Variants in DNAJB6 observed in about 807,000 individuals in gnomAD.
DNAJB6 encodes dnaJ homolog subfamily B member 6.
Under a neutral mutation model 42.7 loss-of-function variants are expected in DNAJB6, and 16 were observed. The ratio of observed to expected loss-of-function variants is 0.37; its 90% CI spans 0.25 to 0.57. The LOEUF is 0.57. Ranked by LOEUF, DNAJB6 falls within the 20% of genes least tolerant of loss-of-function variation. The pLI, the probability that DNAJB6 is intolerant of heterozygous loss-of-function variation, is 0.74. For synonymous variants in DNAJB6, 170 were observed against 163.5 expected (o/e 1.04, Z -0.30); for missense variants, 347 against 416.8 (o/e 0.83, Z 1.46).
chr7:157,381,324 T>C (rs1800757793), intron 5 of DNAJB6: 1 of 152,142 alleles, frequency 6.6e-6, no homozygotes, highest in Non-Finnish European at 1.5e-5. Flanking sequence ...TGCGTTTATG[T>C]CTTAATGCAC....
intron 1 of DNAJB6, among the ~76,000 whole-genome samples, chr7:157,341,356 C>T (rs184054450): frequency 6.6e-6 from 1 of 152,244 alleles, no homozygotes; most frequent in Non-Finnish European, 1.5e-5. Flanking sequence ...GAACTCTTGA[C>T]CTCGTGATCC....
At chr7:157,375,123 T>C (rs1434921113) in intron 5 of DNAJB6, among the ~76,000 whole-genome samples, 1 of 152,128 alleles carries the variant, frequency 6.6e-6, no homozygotes, top group Admixed American at 6.5e-5. Flanking sequence ...CCTGATACTG[T>C]GTTGGGCTTT....
chr7:157,363,943 C>T (rs1799727442), intron 3 of DNAJB6, among the ~76,000 whole-genome samples: 1 of 152,122 alleles, frequency 6.6e-6, no homozygotes, highest in Non-Finnish European at 1.5e-5. Flanking sequence ...TGGAAAGCCA[C>T]ACAGTGCCCC....
intron 1 of DNAJB6, among the ~76,000 whole-genome samples, chr7:157,343,672 C>G (rs146497854): frequency 1.3e-5 from 2 of 151,930 alleles, no homozygotes; most frequent in Non-Finnish European, 2.9e-5. Context: ...TGTTCTCAAA[C>G]TCCTGACCCC....
intron 6 of DNAJB6, among the ~76,000 whole-genome samples, chr7:157,383,603 ATGTGTGTTTGTGTG>A (rs1313837583): frequency 4.3e-5 from 4 of 93,888 alleles, no homozygotes; most frequent in African/African-American, 1.9e-4. Context: ...TGGCTCCTGT[ATGTGTGTTTGTGTG>A]TGTGTGTGTG....
chr7:157,410,133 C>T (rs1420222376), intron 9 of DNAJB6, 132 bp downstream of exon 9: 5 of 1,411,464 alleles, frequency 3.5e-6, no homozygotes, highest in Middle Eastern at 4.5e-4. Context: ...TCGGGCGGGG[C>T]GGGAGGAGGT....
intron 8 of DNAJB6, among the ~76,000 whole-genome samples, chr7:157,405,924 C>T (rs1435091047): frequency 3.9e-5 from 6 of 152,230 alleles, no homozygotes; most frequent in Admixed American, 1.3e-4. Context: ...GGGGTGGGAA[C>T]GCTCCATCCA....
chr7:157,349,617 G>C (rs1477222032), intron 1 of DNAJB6, among the ~76,000 whole-genome samples: 1 of 152,060 alleles, frequency 6.6e-6, no homozygotes, highest in Non-Finnish European at 1.5e-5. Context: ...CGAGTAGCTG[G>C]GACCATGCGC....
At chr7:157,386,508 T>TTATGGTA (rs907463537) in intron 8 of DNAJB6, among the ~76,000 whole-genome samples, 10 of 152,360 alleles carry the variant, frequency 6.6e-5, no homozygotes, top group Middle Eastern at 3.4e-3. Flanking sequence ...AAACATTTAA[T>TTATGGTA]TATGGTAACA....
intron 3 of DNAJB6, among the ~76,000 whole-genome samples, chr7:157,366,178 T>C (rs955659503): frequency 6.6e-6 from 1 of 152,222 alleles, no homozygotes; most frequent in Non-Finnish European, 1.5e-5. Context: ...CTCAAACTCC[T>C]GACCTCAGGT....
chr7:157,376,362 G>A (rs1301156373), intron 5 of DNAJB6, among the ~76,000 whole-genome samples: 3 of 152,126 alleles, frequency 2.0e-5, no homozygotes, highest in African/African-American at 4.8e-5. Flanking sequence ...ATTGGTCTTA[G>A]TATTCCTCAG....
Position 157,416,027 on chromosome 7 carries a change from G to A in DNAJB6, c.910G>A (p.Gly304Ser), listed in dbSNP as rs776962478. The change falls in exon 10 of 10, where the codon GGT becomes AGT. Residue 304 changes from glycine (G) to serine (S), a missense_variant. Gly to Ser is a moderately conservative substitution (Grantham distance 56, BLOSUM62 0). Around this residue, in one of 3 missense-constraint regions of DNAJB6, gnomAD observed 264 missense variants for 288.0 expected, o/e 0.92. Coordinates refer to ENST00000262177, the MANE Select transcript of DNAJB6 (RefSeq NM_058246.4). ...CCGTGTTTCCTTAGGATTGAAAGAA[G>A]GTGGCAAGAGGAAGAAGCAGAAGCA... ...PLASAAGLKE[G>S]GKRKKQKQRE... 1.2e-6 allele frequency: 2 copies of A among 1,614,190 alleles called. No homozygotes were observed. Among genetic ancestry groups the A allele is most frequent in the East Asian group, 4.5e-5 (2 of 44,884 alleles).
At chr7:157,366,082 C>T (rs548834250) in intron 3 of DNAJB6, among the ~76,000 whole-genome samples, 1 of 152,238 alleles carries the variant, frequency 6.6e-6, no homozygotes, top group African/African-American at 2.4e-5. Context: ...TCCTGAGTAG[C>T]TGGGATTACA....
chr7:157,406,649 C>T (rs1482365859), intron 8 of DNAJB6, among the ~76,000 whole-genome samples: 2 of 152,190 alleles, frequency 1.3e-5, no homozygotes, highest in Non-Finnish European at 2.9e-5. Context: ...GAGCCTGCAC[C>T]TTTCTCCCCC....
At chr7:157,346,288 T>TG (rs1385316083) in intron 1 of DNAJB6, among the ~76,000 whole-genome samples, 3 of 135,588 alleles carry the variant, frequency 2.2e-5, no homozygotes, top group East Asian at 4.3e-4. Context: ...ACACTGCCTA[T>TG]GGGGTAGCCC....
In DNAJB6 at chr7:157,416,314, G is replaced by A. The variant is rs759467623; in HGVS notation, c.*216G>A. The A allele has an allele frequency of 8.2e-6, 5 of 607,232 alleles. No individual in the cohort carries two copies. Among genetic ancestry groups the A allele is most frequent in the East Asian group, 5.9e-5 (2 of 34,182 alleles). The allele number at this position is 607,232 out of a possible 1,614,324, so 37.6% of individuals were successfully genotyped here. On this transcript the variant is annotated 3_prime_UTR_variant, in exon 10 of 10. Coordinates refer to ENST00000262177, the MANE Select transcript of DNAJB6 (RefSeq NM_058246.4). ...GGACAGACGTTTGGGACTTGGCCGC[G>A]ACTCTCTGCTTCTCTCCAGCTCTCA... is the stretch of plus-strand genomic sequence containing the variant.
Position 157,382,343 on chromosome 7 carries a change from G to A in DNAJB6, c.444G>A (p.Pro148=), listed in dbSNP as rs754826358. Residue 148 remains proline, a synonymous_variant, in exon 6 of 10, where the codon CCG becomes CCA. Transcript: ENST00000262177. ...GSFFSAFSGF[P]SFGSGFSSFD... The stretch of plus-strand genomic sequence containing the variant: ...TTTTCTCTGCGTTCAGTGGATTTCC[G>A]TCTTTTGGAAGTGGATTTTCTTCTT... 3.1e-6 allele frequency: 5 copies of A among 1,610,858 alleles called. No individual in the cohort carries two copies. Among genetic ancestry groups the A allele is most frequent in the South Asian group, 1.1e-5 (1 of 90,718 alleles).
chr7:157,372,291 T>C (rs542831313), intron 5 of DNAJB6: 2 of 152,962 alleles, frequency 1.3e-5, no homozygotes, highest in African/African-American at 2.4e-5. Flanking sequence ...GACCTGGCAC[T>C]GTCTAGTGAG....
At position 157,409,779 on chromosome 7, in the gene DNAJB6, C is replaced by T. The variant is rs942589575; in HGVS notation, c.692-16C>T. Reference sequence around the variant, plus strand: ...GCCGCTCACTCACGGCTCTCTCTCTCCCGCTGTGCCTGCAGGTGTGGCCGA... The same window carrying T: ...GCCGCTCACTCACGGCTCTCTCTCTTCCGCTGTGCCTGCAGGTGTGGCCGA... On this transcript the variant is annotated splice_polypyrimidine_tract_variant and intron_variant, in intron 8 of 9. Coordinates refer to ENST00000262177, the MANE Select transcript of DNAJB6 (RefSeq NM_058246.4). The T allele has an allele frequency of 1.6e-5, 25 of 1,517,338 alleles. No homozygotes were observed. Among genetic ancestry groups the T allele is most frequent in the African/African-American group, 1.5e-4 (11 of 72,276 alleles). 94.0% of individuals were successfully genotyped at this position (1,517,338 alleles called of 1,614,324 possible).
Sources: allele counts gnomAD v4.1 joint callset (sites outside exome capture counted in the v4.1 genomes callset), GRCh38; gene constraint gnomAD v4.1.1; regional missense constraint gnomAD v4.1.1; transcripts MANE v1.5; gene names NCBI Gene and HGNC (gene_info 2026-07-23, HGNC 2026-07-21).